DIP2C: variants seen among roughly 807,000 people sequenced by gnomAD.
DIP2C encodes the protein disco-interacting protein 2 homolog C.
Under a neutral mutation model 192.4 loss-of-function variants are expected in DIP2C, and 33 were observed. That is an observed-to-expected ratio of 0.17 (90% CI 0.13 to 0.23). The LOEUF is 0.23. Ranked by LOEUF, DIP2C falls within the 10% of genes least tolerant of loss-of-function variation. DIP2C has a pLI of 1.00. For missense variants in DIP2C, 1,537 were observed against 2,110.1 expected (o/e 0.73, Z 5.32); for synonymous variants, 979 against 864.1 (o/e 1.13, Z -2.33).
chr10:329,896 CA>C (rs1957428568), intron 29 of DIP2C, among the ~76,000 whole-genome samples: 1 of 152,116 alleles, frequency 6.6e-6, no homozygotes, highest in South Asian at 2.1e-4. Context: ...CCTGCGACAT[CA>C]GCAAACTGGA....
At chr10:521,763 T>C (rs960018130) in intron 1 of DIP2C, among the ~76,000 whole-genome samples, 1 of 152,222 alleles carries the variant, frequency 6.6e-6, no homozygotes, top group Non-Finnish European at 1.5e-5. Flanking sequence ...TATTTTTTGT[T>C]TGCCTTTTCA....
intron 1 of DIP2C, among the ~76,000 whole-genome samples, chr10:564,180 T>G (rs1447839913): frequency 6.6e-6 from 1 of 152,130 alleles, no homozygotes; most frequent in Non-Finnish European, 1.5e-5. Context: ...GGTCCTCTCA[T>G]TACTCACTAG....
At chr10:278,227 G>T (rs1453803719) in intron 36 of DIP2C, among the ~76,000 whole-genome samples, 1 of 144,940 alleles carries the variant, frequency 6.9e-6, no homozygotes, top group Non-Finnish European at 1.5e-5. Context: ...GTGCACCCGA[G>T]TCCAGCTCTG....
At chr10:354,927 T>C (rs1463256175) in intron 24 of DIP2C, among the ~76,000 whole-genome samples, 1 of 151,324 alleles carries the variant, frequency 6.6e-6, no homozygotes, top group Admixed American at 6.6e-5. Flanking sequence ...CAAGCAGAGA[T>C]GGGCAGGAAA....
At position 666,055 on chromosome 10, in the gene DIP2C, C is replaced by T. The variant is rs1254129645; in HGVS notation, c.85+23439G>A. On this transcript the variant is annotated intron_variant, in intron 1 of 36. Transcript: ENST00000280886. This position sits in a 1 kb window ranked among gnomAD's most constrained non-coding sequence, Gnocchi z 4.1. ...CAGCACCCTGGAAAGGCCCAGGTCC[C>T]GCAGCTCTCCCTCCACGCGTGGCTA... The T allele has an allele frequency of 6.6e-6, 1 of 152,192 alleles. No homozygotes were observed. The highest frequency in any genetic ancestry group is 6.5e-5 in the Admixed American group (1 of 15,284). 9.4% of individuals were successfully genotyped at this position (152,192 alleles called of 1,614,324 possible).
chr10:340,776 C>CA (rs1958105295), intron 29 of DIP2C: 1 of 458,144 alleles, frequency 2.2e-6, no homozygotes, highest in Middle Eastern at 3.3e-4. Context: ...CTCGTGGACT[C>CA]ACCTCTGGGC....
chr10:383,966 A>G, intron 16 of DIP2C, 61 bp downstream of exon 16: 9 of 624,022 alleles, frequency 1.4e-5, no homozygotes, highest in South Asian at 4.1e-5. Context: ...GCCTCACGAA[A>G]AAAAAAAAAA....
chr10:340,349 C>T (rs916732635), intron 29 of DIP2C, among the ~76,000 whole-genome samples: 4 of 151,572 alleles, frequency 2.6e-5, no homozygotes, highest in African/African-American at 9.7e-5. Flanking sequence ...TTAAAATACC[C>T]ATTTAAAAAA....
chr10:439,702 GTAAAGGTA>G (rs1348916250), intron 4 of DIP2C, among the ~76,000 whole-genome samples: 1 of 152,022 alleles, frequency 6.6e-6, no homozygotes, highest in East Asian at 1.9e-4. Flanking sequence ...ACCTTCATTA[GTAAAGGTA>G]TAAAGGTGAA....
In DIP2C at chr10:522,585, C is replaced by T. The variant is rs547671194; in HGVS notation, c.86-36055G>A. 5.3e-5 allele frequency among the ~76,000 whole-genome samples: 8 copies of T among 152,356 alleles called. No homozygotes were observed. The South Asian group carries it at 1.7e-3, about 32-fold the overall frequency. Reference sequence around the variant, plus strand: ...GGCGGTGTCGCAGTTCCAGTTTTGGCCAGGCTGCTGGGTGCGCAGTGGCGC... The same window carrying T: ...GGCGGTGTCGCAGTTCCAGTTTTGGTCAGGCTGCTGGGTGCGCAGTGGCGC... On this transcript the variant is annotated intron_variant, in intron 1 of 36. Transcript: ENST00000280886.
At chr10:488,085 C>T (rs2133566624) in intron 1 of DIP2C, among the ~76,000 whole-genome samples, 1 of 152,320 alleles carries the variant, frequency 6.6e-6, no homozygotes, top group South Asian at 2.1e-4. Flanking sequence ...TGATTTAAAT[C>T]GAGCCCCCAG....
At chr10:337,038 A>G (rs1589522008) in intron 29 of DIP2C, among the ~76,000 whole-genome samples, 4 of 42,864 alleles carry the variant, frequency 9.3e-5, no homozygotes, top group Non-Finnish European at 7.9e-5. Flanking sequence ...TGTGTTGTGG[A>G]GGCCTAGACT....
At chr10:464,417 G>C (rs930209293) in intron 3 of DIP2C, among the ~76,000 whole-genome samples, 1 of 151,768 alleles carries the variant, frequency 6.6e-6, no homozygotes, top group African/African-American at 2.4e-5. Context: ...CTGGTCATTA[G>C]AAAAATGCAA....
At chr10:286,603 TGTCA>T (rs1308394614) in intron 33 of DIP2C, among the ~76,000 whole-genome samples, 1 of 152,216 alleles carries the variant, frequency 6.6e-6, no homozygotes, top group Non-Finnish European at 1.5e-5. Flanking sequence ...ACATTTTGAT[TGTCA>T]GTCATACCTC....
chr10:337,966 G>A (rs1037016711), intron 29 of DIP2C, among the ~76,000 whole-genome samples: 5 of 150,588 alleles, frequency 3.3e-5, no homozygotes, highest in Non-Finnish European at 5.9e-5. Flanking sequence ...GTGTGTGTGT[G>A]TGCGTGTGTG....
rs192125662 is a variant in DIP2C, at chr10:416,026, G to A, written c.740-138C>T. On this transcript the variant is annotated intron_variant, in intron 6 of 36. Coordinates refer to ENST00000280886, the MANE Select transcript of DIP2C (RefSeq NM_014974.3). ...CTAGATGCGATCCTGGGAAGGGCCC[G>A]AGGTGATCATGCTGTACGGTAGCCC... 126 of 1,330,466 alleles carry A rather than the reference G, an allele frequency of 9.5e-5. No homozygotes were observed. In the South Asian group the frequency reaches 1.0e-3, roughly 11 times the overall value. The allele number at this position is 1,330,466 out of a possible 1,614,324, so 82.4% of individuals were successfully genotyped here.
At chr10:358,260 A>T (rs942832350) in intron 22 of DIP2C, among the ~76,000 whole-genome samples, 1 of 151,616 alleles carries the variant, frequency 6.6e-6, no homozygotes, top group African/African-American at 2.4e-5. Flanking sequence ...AATAAAACGG[A>T]AGACACACAC....
intron 32 of DIP2C, among the ~76,000 whole-genome samples, chr10:305,205 ACACT>A (rs553673703): frequency 1.3e-4 from 20 of 152,118 alleles, no homozygotes; most frequent in East Asian, 3.9e-4. Context: ...TACCCACATC[ACACT>A]CACCCATGCA....
At position 337,955 on chromosome 10, in the gene DIP2C, CG is replaced by C. The variant is rs1231987026; in HGVS notation, c.3584+3243del. On this transcript the variant is annotated intron_variant, in intron 29 of 36. Transcript: ENST00000280886. ...TGTGTGCTGTGGAGGCCTAGACAGT[CG>C]TGTGTGTGTGTGCGTGTGTGTGTGT... 5.7e-5 allele frequency among the ~76,000 whole-genome samples: 7 copies of C among 122,354 alleles called. No individual in the cohort carries two copies. The East Asian group carries it at 8.4e-4, about 15-fold the overall frequency. The allele number at this position is 122,354 out of a possible 152,430, so 80.3% of individuals were successfully genotyped here. A position where few individuals can be genotyped will look rare whatever the true frequency, so the allele number is the denominator to read the frequency against.
Sources: allele counts gnomAD v4.1 joint callset (sites outside exome capture counted in the v4.1 genomes callset), GRCh38; gene constraint gnomAD v4.1.1; non-coding constraint Gnocchi (gnomAD v3.1); transcripts MANE v1.5; gene names NCBI Gene and HGNC (gene_info 2026-07-23, HGNC 2026-07-21).